Variants in SH3BGRL2 observed in about 807,000 individuals in gnomAD.
The protein encoded by SH3BGRL2 is SH3 domain-binding glutamic acid-rich-like protein 2.
A neutral mutation model predicts 14.8 loss-of-function variants in SH3BGRL2; 21 were observed. The ratio of observed to expected loss-of-function variants is 1.42; its 90% CI spans 1.01 to 2.05. The LOEUF (loss-of-function observed/expected upper bound fraction) is 2.05, where lower values mean the gene tolerates loss of function less well. Among genes scored for constraint, SH3BGRL2 ranks in the 30% most tolerant of loss-of-function variants. The pLI is 0.00. For missense variants in SH3BGRL2, 147 were observed against 130.8 expected (o/e 1.12, Z -0.61); for synonymous variants, 50 against 47.8 (o/e 1.05, Z -0.19).
In SH3BGRL2 at chr6:79,673,695, G is replaced by C. The variant is rs747529904; in HGVS notation, c.127G>C (p.Glu43Gln). 2.5e-6 allele frequency: 4 copies of C among 1,614,184 alleles called. No homozygotes were observed. Among genetic ancestry groups the C allele is most frequent in the Non-Finnish European group, 3.4e-6 (4 of 1,180,024 alleles). ...EFEEVDITMS[E>Q]EQRQWMYKNV... ...TGAGGAGGTGGATATCACAATGTCA[G>C]AAGAACAGAGGCAATGGATGTACAA... Residue 43 changes from glutamate to glutamine, a missense_variant, in exon 2 of 4, where the codon GAA (glutamate) becomes CAA (glutamine). Physicochemically the swap from Glu to Gln is conservative, Grantham distance 29. Transcript: ENST00000369838.
upstream of SH3BGRL2, among the ~76,000 whole-genome samples, chr6:79,627,313 T>C (rs574109032): frequency 6.6e-6 from 1 of 152,332 alleles, no homozygotes; most frequent in East Asian, 1.9e-4. Context: ...CAAGCTGCAA[T>C]AGGTCATGCC....
chr6:79,596,570 C>T, the SH3BGRL2 span, among the ~76,000 whole-genome samples: 4 of 152,210 alleles, frequency 2.6e-5, no homozygotes, highest in East Asian at 5.8e-4. Context: ...GCTGGGATTA[C>T]AGGCATGGAC....
chr6:79,542,353 AC>A, the SH3BGRL2 span, among the ~76,000 whole-genome samples: 1 of 151,422 alleles, frequency 6.6e-6, no homozygotes, highest in Non-Finnish European at 1.5e-5. Context: ...CTGCAATGCA[AC>A]CTCTGCCTCC....
At chr6:79,570,030 T>C in the SH3BGRL2 span, among the ~76,000 whole-genome samples, 1 of 152,216 alleles carries the variant, frequency 6.6e-6, no homozygotes, top group Non-Finnish European at 1.5e-5. Flanking sequence ...TCTACTTTGC[T>C]TTGTGCTGAG....
At chr6:79,547,750 G>A in the SH3BGRL2 span, among the ~76,000 whole-genome samples, 4 of 152,074 alleles carry the variant, frequency 2.6e-5, no homozygotes, top group Non-Finnish European at 5.9e-5. Context: ...ATGAGACTCT[G>A]GAGTTCCCCT....
At chr6:79,640,297 A>G (rs1769005019) in intron 1 of SH3BGRL2, among the ~76,000 whole-genome samples, 1 of 152,206 alleles carries the variant, frequency 6.6e-6, no homozygotes, top group Non-Finnish European at 1.5e-5. Context: ...GACTGTGGTA[A>G]TTTAAAGGGT....
chr6:79,626,656 T>C (rs557448310), upstream of SH3BGRL2, among the ~76,000 whole-genome samples: 1 of 152,346 alleles, frequency 6.6e-6, no homozygotes, highest in East Asian at 1.9e-4. Context: ...CATAGGGCTG[T>C]GCCTGTAGAT....
In SH3BGRL2 at chr6:79,702,647, CA is replaced by C. The variant is rs1366006191; in HGVS notation, c.*3141del. 1 of 152,154 alleles carries C rather than the reference CA, an allele frequency of 6.6e-6. No individual in the cohort carries two copies. Among genetic ancestry groups the C allele is most frequent in the Non-Finnish European group, 1.5e-5 (1 of 68,042 alleles). The allele number at this position is 152,154 out of a possible 1,614,324, so 9.4% of individuals were successfully genotyped here. On this transcript the variant is annotated 3_prime_UTR_variant, in exon 4 of 4. Coordinates refer to ENST00000369838, the MANE Select transcript of SH3BGRL2 (RefSeq NM_031469.4). ...AGCAGCACATTAAATTGTAAAAATA[CA>C]AACAGATCGTGTGATCATTCAAGGA...
At chr6:79,649,988 C>CACAT (rs1432090327) in intron 1 of SH3BGRL2, among the ~76,000 whole-genome samples, 1 of 145,712 alleles carries the variant, frequency 6.9e-6, no homozygotes, top group African/African-American at 2.6e-5. Flanking sequence ...CTCTCTCTCA[C>CACAT]ACACACACAC....
chr6:79,538,390 G>A, the SH3BGRL2 span, among the ~76,000 whole-genome samples: 8 of 152,082 alleles, frequency 5.3e-5, no homozygotes. Flanking sequence ...CTGTTTCAAA[G>A]CTTTCATTTT....
chr6:79,622,908 C>T, the SH3BGRL2 span, among the ~76,000 whole-genome samples: 2 of 152,134 alleles, frequency 1.3e-5, no homozygotes, highest in Non-Finnish European at 2.9e-5. Flanking sequence ...GCAGAATGGT[C>T]TTTTAAAAAG....
chr6:79,591,473 A>G, the SH3BGRL2 span, among the ~76,000 whole-genome samples: 3 of 152,048 alleles, frequency 2.0e-5, no homozygotes, highest in African/African-American at 7.2e-5. Context: ...CAGTGGTGCA[A>G]TCCAGCTCAC....
At chr6:79,643,345 C>T (rs918354248) in intron 1 of SH3BGRL2, among the ~76,000 whole-genome samples, 3 of 152,042 alleles carry the variant, frequency 2.0e-5, no homozygotes, top group African/African-American at 4.8e-5. Flanking sequence ...GTTGTGCTAT[C>T]GCAACAAGCA....
chr6:79,668,058 G>A (rs1769696560), intron 1 of SH3BGRL2, among the ~76,000 whole-genome samples: 1 of 152,108 alleles, frequency 6.6e-6, no homozygotes, highest in Admixed American at 6.5e-5. Context: ...TCCAGCATCA[G>A]CTAGTGAGTC....
At chr6:79,573,921 A>G in the SH3BGRL2 span, 4 of 152,020 alleles carry the variant, frequency 2.6e-5, no homozygotes, top group Non-Finnish European at 5.9e-5. Context: ...CACCCTTTGT[A>G]TGTTTTATTT....
At chr6:79,542,959 A>C in the SH3BGRL2 span, among the ~76,000 whole-genome samples, 1 of 152,220 alleles carries the variant, frequency 6.6e-6, no homozygotes, top group African/African-American at 2.4e-5. Flanking sequence ...ACCACACAAG[A>C]ATTAAAATGT....
chr6:79,587,604 A>G, the SH3BGRL2 span, among the ~76,000 whole-genome samples: 1 of 152,258 alleles, frequency 6.6e-6, no homozygotes, highest in Non-Finnish European at 1.5e-5. Context: ...AATATGTGTT[A>G]ATAAAAGGGT....
chr6:79,541,252 C>CA, the SH3BGRL2 span, among the ~76,000 whole-genome samples: 43 of 148,152 alleles, frequency 2.9e-4, no homozygotes, highest in Admixed American at 6.7e-4. Flanking sequence ...GACTCAGTCT[C>CA]AAAAAAAAAG....
chr6:79,625,923 A>G, the SH3BGRL2 span, among the ~76,000 whole-genome samples: 1 of 152,218 alleles, frequency 6.6e-6, no homozygotes. Flanking sequence ...CCACAAATCT[A>G]TCACCCACTA....
Sources: allele counts gnomAD v4.1 joint callset (sites outside exome capture counted in the v4.1 genomes callset), GRCh38; gene constraint gnomAD v4.1.1; transcripts MANE v1.5; gene names NCBI Gene and HGNC (gene_info 2026-07-23, HGNC 2026-07-21).